The following SYNRG variants were observed in gnomAD, a reference collection of about 807,000 sequenced individuals.
SYNRG encodes the protein AP1 gamma subunit binding protein 1.
SYNRG carries 37 observed loss-of-function variants against 130.9 expected under a neutral mutation model. That is an observed-to-expected ratio of 0.28 (90% CI 0.22 to 0.37). The LOEUF (loss-of-function observed/expected upper bound fraction) is 0.37, where lower values mean the gene tolerates loss of function less well. SYNRG is among the 10% of genes least tolerant of loss of function. The pLI is 1.00. For synonymous variants in SYNRG, 539 were observed against 568.1 expected (o/e 0.95, Z 0.73); for missense variants, 1,338 against 1,588.9 (o/e 0.84, Z 2.68).
rs571562374 is a variant in SYNRG, at chr17:37,548,415, G to A, written c.2608+4700C>T. Among the ~76,000 whole-genome samples, 8 of 152,240 alleles carry A rather than the reference G, an allele frequency of 5.3e-5. No individual in the cohort carries two copies. The East Asian group carries it at 1.5e-3, about 29-fold the overall frequency. The stretch of plus-strand genomic sequence containing the variant: ...GAAAGTGCTGTATTTTGAATGGCAG[G>A]CCTGGCTTTTCTCAGAGTTAACCTA... On this transcript the variant is annotated intron_variant, in intron 14 of 21. Transcript: ENST00000612223.
intron 1 of SYNRG, among the ~76,000 whole-genome samples, chr17:37,606,953 G>A (rs2063802166): frequency 6.6e-6 from 1 of 151,970 alleles, no homozygotes; most frequent in South Asian, 2.1e-4. Context: ...TTCAGGGAGG[G>A]TGGGTGGCAA....
chr17:37,540,630 C>CTTTT (rs767724523), intron 15 of SYNRG, 87 bp from the exon 16 acceptor site: 308 of 695,586 alleles, frequency 4.4e-4, no homozygotes, highest in African/African-American at 1.4e-3. Context: ...CAACCCTCTT[C>CTTTT]TTTTTTTTTT....
chr17:37,541,779 A>G (rs2057784374), intron 15 of SYNRG, 193 bp downstream of exon 15: 1 of 626,776 alleles, frequency 1.6e-6, no homozygotes, highest in African/African-American at 1.8e-5. Context: ...TAAAGCAGTT[A>G]TCTGAGGGAT....
rs536118755 is a variant in SYNRG, at chr17:37,518,692, G to A, written c.*248C>T. The A allele has an allele frequency of 8.1e-5, 34 of 419,648 alleles. No individual in the cohort carries two copies. The highest frequency in any genetic ancestry group is 5.3e-4 in the South Asian group (8 of 15,204). The allele number at this position is 419,648 out of a possible 1,614,324, so 26.0% of individuals were successfully genotyped here. A position where few individuals can be genotyped will look rare whatever the true frequency, so the allele number is the denominator to read the frequency against. The stretch of plus-strand genomic sequence containing the variant: ...CCTTAGATCAAGAAAGCCGTGGTCC[G>A]TATTTCAGAAAATCTTAAGTAGAGA... On this transcript the variant is annotated 3_prime_UTR_variant, in exon 22 of 22. Transcript: ENST00000612223.
intron 8 of SYNRG, 126 bp downstream of exon 8, chr17:37,576,215 A>G (rs2060824065): frequency 3.5e-6 from 3 of 865,668 alleles, no homozygotes; most frequent in East Asian, 5.3e-5. Context: ...ACTCTTTCAG[A>G]AAAAAAGAAA....
intron 6 of SYNRG, among the ~76,000 whole-genome samples, chr17:37,580,958 C>A (rs1006452216): frequency 1.3e-5 from 2 of 152,126 alleles, no homozygotes; most frequent in African/African-American, 4.8e-5. Context: ...GCATGAGCCA[C>A]CATGCCTGGC....
intron 19 of SYNRG, among the ~76,000 whole-genome samples, chr17:37,533,283 C>T (rs1366131050): frequency 6.6e-6 from 1 of 152,040 alleles, no homozygotes; most frequent in Non-Finnish European, 1.5e-5. Context: ...TGCCTGTAAT[C>T]CCAGCTACTC....
chr17:37,584,633 G>T lies in SYNRG; in HGVS notation c.589+15C>A, dbSNP rs980360439. 6.9e-6 allele frequency: 11 copies of T among 1,603,208 alleles called. No homozygotes were observed. The highest frequency in any genetic ancestry group is 9.4e-6 in the Non-Finnish European group (11 of 1,170,820). On this transcript the variant is annotated intron_variant, in intron 6 of 21. Transcript: ENST00000612223. ...CCTTCCCAGAAAAGAAAAATATAAT[G>T]CCTCTTAAAACTACCTGGTTTCTTG...
chr17:37,600,560 CA>C, intron 1 of SYNRG, 157 bp from the exon 2 acceptor site: 11 of 763,522 alleles, frequency 1.4e-5, no homozygotes, highest in Non-Finnish European at 2.3e-5. Context: ...ACTGAGCATC[CA>C]TAGGATGCAT....
At chr17:37,549,928 T>G (rs1314288375) in intron 14 of SYNRG, among the ~76,000 whole-genome samples, 1 of 152,184 alleles carries the variant, frequency 6.6e-6, no homozygotes, top group Non-Finnish European at 1.5e-5. Flanking sequence ...AATTCCATCC[T>G]CAAGACTTCC....
rs761940235 is a variant in SYNRG, at chr17:37,542,496, C to T, written c.2678G>A (p.Ser893Asn). Residue 893 changes from serine (S) to asparagine (N), a missense_variant, in exon 15 of 22, where the codon AGC becomes AAC. By Grantham distance (46) the Ser-to-Asn change is conservative (BLOSUM62 1). This residue lies in a region of SYNRG where 1,146 missense variants were observed against 1,342.3 expected (regional missense o/e 0.85). Transcript: ENST00000612223. ...SSNFAVSTLT[S>N]YDWSDRDDAT... ...ATCATCCCTGTCTGACCAGTCATAG[C>T]TTGTAAGTGTGCTCACTGCAAAATT... is the stretch of plus-strand genomic sequence containing the variant. 2 of 1,613,624 alleles carry T rather than the reference C, an allele frequency of 1.2e-6. No homozygotes were observed. Among genetic ancestry groups the T allele is most frequent in the South Asian group, 1.1e-5 (1 of 91,080 alleles).
At position 37,542,020 on chromosome 17, in the gene SYNRG, C is replaced by G; in HGVS notation, c.3154G>C (p.Glu1052Gln). The G allele has an allele frequency of 6.2e-7, 1 of 1,614,212 alleles. No individual in the cohort carries two copies. The highest frequency in any genetic ancestry group is 8.5e-7 in the Non-Finnish European group (1 of 1,180,028). ...ATSQSKMKSS[E>Q]EMIKSELATF... The stretch of plus-strand genomic sequence containing the variant: ...GCCAGCTCACTTTTGATCATTTCTT[C>G]ACTGGATTTCATTTTGCTTTGTGAA... Residue 1052 changes from glutamate to glutamine, a missense_variant, in exon 15 of 22, where the codon GAA (glutamate) becomes CAA (glutamine). This residue lies in a region of SYNRG where 1,146 missense variants were observed against 1,342.3 expected (regional missense o/e 0.85). Transcript: ENST00000612223.
At position 37,553,213 on chromosome 17, in the gene SYNRG, T is replaced by C; in HGVS notation, c.2510A>G (p.Asp837Gly). 6.2e-7 allele frequency: 1 copy of C among 1,614,090 alleles called. No individual in the cohort carries two copies. The highest frequency in any genetic ancestry group is 1.3e-5 in the African/African-American group (1 of 75,044). Residue 837 changes from aspartate to glycine, a missense_variant, in exon 14 of 22, where the codon GAC (aspartate) becomes GGC (glycine). Physicochemically the swap from Asp to Gly is moderately conservative, Grantham distance 94. Around this residue, in one of 3 missense-constraint regions of SYNRG, gnomAD observed 1,146 missense variants for 1,342.3 expected, o/e 0.85. Coordinates refer to ENST00000612223, the MANE Select transcript of SYNRG (RefSeq NM_007247.6). ...DSEDALSVQF[D>G]MKLADVGGDL... ...TCCTCCCACATCAGCCAATTTCATG[T>C]CAAACTGAACAGAGAGTGCATCTTC... is the stretch of plus-strand genomic sequence containing the variant.
In SYNRG at chr17:37,584,540, G is replaced by A. The variant is rs549954981; in HGVS notation, c.589+108C>T. 2.9e-4 allele frequency: 241 copies of A among 823,580 alleles called. No individual in the cohort carries two copies. The African/African-American group carries it at 3.5e-3, about 12-fold the overall frequency. The allele number at this position is 823,580 out of a possible 1,614,324, so 51.0% of individuals were successfully genotyped here. The stretch of plus-strand genomic sequence containing the variant: ...CAAATCTGTACTTAGCTTGAAGGAA[G>A]AGTTCTACATTGACTTTTCACACAC... On this transcript the variant is annotated intron_variant, in intron 6 of 21. Transcript: ENST00000612223.
At chr17:37,559,146 C>T (rs1487762535) in intron 13 of SYNRG, among the ~76,000 whole-genome samples, 1 of 152,162 alleles carries the variant, frequency 6.6e-6, no homozygotes, top group Non-Finnish European at 1.5e-5. Context: ...AGAGTAGAAT[C>T]AAATCTTATA....
chr17:37,588,847 A>G (rs2061910240), intron 3 of SYNRG, among the ~76,000 whole-genome samples: 3 of 152,198 alleles, frequency 2.0e-5, no homozygotes, highest in Admixed American at 2.0e-4. Context: ...AAAATAATAA[A>G]GAATGAAAGA....
At chr17:37,544,227 T>C (rs1310822352) in intron 14 of SYNRG, among the ~76,000 whole-genome samples, 3 of 151,808 alleles carry the variant, frequency 2.0e-5, no homozygotes, top group Non-Finnish European at 4.4e-5. Context: ...TGATGGCATA[T>C]TTAAAAATTC....
At chr17:37,600,769 A>G in intron 1 of SYNRG, 1 of 333,146 alleles carries the variant, frequency 3.0e-6, no homozygotes. Context: ...TCAAAAATAC[A>G]CATATGCAGG....
intron 13 of SYNRG, among the ~76,000 whole-genome samples, chr17:37,555,142 T>C (rs1478020730): frequency 3.9e-5 from 6 of 152,162 alleles, no homozygotes; most frequent in Admixed American, 3.9e-4. Context: ...TCTTTTTTTT[T>C]TGAGACAGAG....
Sources: allele counts gnomAD v4.1 joint callset (sites outside exome capture counted in the v4.1 genomes callset), GRCh38; gene constraint gnomAD v4.1.1; regional missense constraint gnomAD v4.1.1; transcripts MANE v1.5; gene names NCBI Gene and HGNC (gene_info 2026-07-23, HGNC 2026-07-21).